The following SEMA6D variants were observed in gnomAD, a reference collection of about 807,000 sequenced individuals.
SEMA6D encodes the protein semaphorin 6D.
In SEMA6D, 35 loss-of-function variants were observed where a neutral mutation model predicts 106.6. That is an observed-to-expected ratio of 0.33 (90% CI 0.25 to 0.44). The LOEUF (loss-of-function observed/expected upper bound fraction) is 0.44. Ranked by LOEUF, SEMA6D falls within the 20% of genes least tolerant of loss-of-function variation. SEMA6D has a pLI of 1.00. For missense variants in SEMA6D, 1,185 were observed against 1,345.9 expected, an observed-to-expected ratio of 0.88 and a Z score of 1.87; for synonymous variants, 499 against 487.7, an observed-to-expected ratio of 1.02 and a Z score of -0.31.
intron 1 of SEMA6D, among the ~76,000 whole-genome samples, chr15:47,272,028 C>T (rs1341226420): frequency 6.6e-6 from 1 of 152,140 alleles, no homozygotes; most frequent in Non-Finnish European, 1.5e-5. Context: ...GAATTCAGCT[C>T]ACAAGCCTTC....
intron 4 of SEMA6D, among the ~76,000 whole-genome samples, chr15:47,638,324 C>G (rs750408095): frequency 7.9e-5 from 12 of 152,110 alleles, no homozygotes; most frequent in Non-Finnish European, 1.8e-4. Context: ...GGATGTGAAA[C>G]TCATTGAGAC....
At chr15:47,381,527 A>G (rs916398987) in intron 1 of SEMA6D, among the ~76,000 whole-genome samples, 1 of 152,180 alleles carries the variant, frequency 6.6e-6, no homozygotes, top group Non-Finnish European at 1.5e-5. Context: ...GGATATTCCA[A>G]TAAAGATCAA....
intron 4 of SEMA6D, among the ~76,000 whole-genome samples, chr15:47,671,877 C>T (rs1165374942): frequency 6.6e-6 from 1 of 152,080 alleles, no homozygotes; most frequent in Non-Finnish European, 1.5e-5. Context: ...GGACATTCTG[C>T]TTTGTGGATG....
At chr15:47,491,708 C>G (rs940056085) in intron 3 of SEMA6D, among the ~76,000 whole-genome samples, 2 of 152,040 alleles carry the variant, frequency 1.3e-5, no homozygotes, top group African/African-American at 4.8e-5. Context: ...CAAATGAAGA[C>G]TAAGACTGAT....
intron 4 of SEMA6D, among the ~76,000 whole-genome samples, chr15:47,623,992 T>A (rs1335608148): frequency 6.6e-6 from 1 of 152,188 alleles, no homozygotes; most frequent in Non-Finnish European, 1.5e-5. Context: ...TGACCCTGGC[T>A]GACAAAACTC....
At chr15:47,648,904 T>C (rs879307319) in intron 4 of SEMA6D, among the ~76,000 whole-genome samples, 2 of 152,214 alleles carry the variant, frequency 1.3e-5, no homozygotes, top group African/African-American at 4.8e-5. Flanking sequence ...TTTTAATATG[T>C]GGTTTTACTT....
At chr15:47,476,537 A>T (rs900859517) in intron 3 of SEMA6D, among the ~76,000 whole-genome samples, 8 of 152,130 alleles carry the variant, frequency 5.3e-5, no homozygotes, top group Non-Finnish European at 8.8e-5. Flanking sequence ...GCTTAAAATT[A>T]TGTAGTATTT....
chr15:47,382,150 G>C (rs1467967591), intron 1 of SEMA6D, among the ~76,000 whole-genome samples: 1 of 152,120 alleles, frequency 6.6e-6, no homozygotes, highest in African/African-American at 2.4e-5. Flanking sequence ...TACAGTAATA[G>C]TATTATTATA....
chr15:47,682,804 G>A (rs183745771), intron 4 of SEMA6D, among the ~76,000 whole-genome samples: 6 of 152,184 alleles, frequency 3.9e-5, no homozygotes, highest in Non-Finnish European at 5.9e-5. Context: ...TCATTTGCCC[G>A]CAGTACGTAA....
chr15:47,334,704 A>G (rs1391085723), intron 1 of SEMA6D, among the ~76,000 whole-genome samples: 1 of 152,152 alleles, frequency 6.6e-6, no homozygotes, highest in East Asian at 1.9e-4. Context: ...TTGGAAAGAA[A>G]AAGGATGAAA....
chr15:47,305,930 C>T (rs1408502138), intron 1 of SEMA6D, among the ~76,000 whole-genome samples: 6 of 152,178 alleles, frequency 3.9e-5, no homozygotes, highest in Non-Finnish European at 8.8e-5. Flanking sequence ...GCCTTCTTTC[C>T]TACTTTGTAT....
At chr15:47,392,036 CTG>C (rs1239803921) in intron 1 of SEMA6D, among the ~76,000 whole-genome samples, 13 of 152,246 alleles carry the variant, frequency 8.5e-5, no homozygotes, top group African/African-American at 3.1e-4. Context: ...TTTTAAAAAA[CTG>C]TAAAACTACT....
intron 1 of SEMA6D, among the ~76,000 whole-genome samples, chr15:47,374,105 G>A (rs766633307): frequency 2.6e-5 from 4 of 152,144 alleles, no homozygotes; most frequent in Non-Finnish European, 5.9e-5. Context: ...GATAACATTC[G>A]CTGGAGCTCC....
At chr15:47,521,314 A>C (rs2044569858) in intron 3 of SEMA6D, among the ~76,000 whole-genome samples, 1 of 152,196 alleles carries the variant, frequency 6.6e-6, no homozygotes, top group African/African-American at 2.4e-5. Context: ...GGAACCTTGT[A>C]GAGAAGGCAT....
At chr15:47,753,630 C>G (rs2081563900) in intron 1 of SEMA6D, among the ~76,000 whole-genome samples, 1 of 152,190 alleles carries the variant, frequency 6.6e-6, no homozygotes, top group African/African-American at 2.4e-5. Context: ...CAATGCATTG[C>G]TTTATGATTT....
At chr15:47,324,869 A>G (rs374162340) in intron 1 of SEMA6D, among the ~76,000 whole-genome samples, 1 of 152,058 alleles carries the variant, frequency 6.6e-6, no homozygotes, top group East Asian at 1.9e-4. Context: ...TTCACTTAGG[A>G]CTATATTGTG....
intron 1 of SEMA6D, among the ~76,000 whole-genome samples, chr15:47,244,318 A>G (rs370104345): frequency 6.6e-6 from 1 of 152,174 alleles, no homozygotes; most frequent in Non-Finnish European, 1.5e-5. Flanking sequence ...GTTAAACTCT[A>G]TGAGTCTCTG....
chr15:47,378,356 C>T (rs1020461592), intron 1 of SEMA6D, among the ~76,000 whole-genome samples: 4 of 152,112 alleles, frequency 2.6e-5, no homozygotes, highest in Admixed American at 2.6e-4. Context: ...ATTAGCCAGG[C>T]GTGGTGGCAC....
At chr15:47,319,150 AT>A (rs1313048243) in intron 1 of SEMA6D, among the ~76,000 whole-genome samples, 1 of 151,986 alleles carries the variant, frequency 6.6e-6, no homozygotes, top group African/African-American at 2.4e-5. Flanking sequence ...AAGGAGTTTC[AT>A]TTTGGTTCTT....
Sources: allele counts gnomAD v4.1 joint callset (sites outside exome capture counted in the v4.1 genomes callset), GRCh38; gene constraint gnomAD v4.1.1; transcripts MANE v1.5; gene names NCBI Gene and HGNC (gene_info 2026-07-23, HGNC 2026-07-21).